The following GATAD2A variants were observed in gnomAD, a reference collection of about 807,000 sequenced individuals.
The protein encoded by GATAD2A is GATA zinc finger domain containing 2A, also known as transcriptional repressor p66-alpha.
A neutral mutation model predicts 68.5 loss-of-function variants in GATAD2A; 12 were observed. That is an observed-to-expected ratio of 0.18 (90% CI 0.11 to 0.28). GATAD2A has a LOEUF of 0.28. Ranked by LOEUF, GATAD2A falls within the 10% of genes least tolerant of loss-of-function variation. The pLI is 1.00. For missense variants in GATAD2A, 755 were observed against 868.5 expected, an observed-to-expected ratio of 0.87 and a Z score of 1.64; for synonymous variants, 410 against 375.3, an observed-to-expected ratio of 1.09 and a Z score of -1.07.
chr19:19,476,243 C>G (rs1450369190), intron 2 of GATAD2A, among the ~76,000 whole-genome samples: 1 of 152,274 alleles, frequency 6.6e-6, no homozygotes, highest in Non-Finnish European at 1.5e-5. Flanking sequence ...CTGAACTCTT[C>G]TCACACATCT....
At chr19:19,482,485 T>C (rs1031028782) in intron 2 of GATAD2A, among the ~76,000 whole-genome samples, 2 of 152,198 alleles carry the variant, frequency 1.3e-5, no homozygotes, top group African/African-American at 2.4e-5. Context: ...ACCTCCTCTT[T>C]AGGGTTCCCC....
intron 1 of GATAD2A, among the ~76,000 whole-genome samples, chr19:19,453,820 C>T (rs2056644294): frequency 1.3e-5 from 2 of 151,732 alleles, no homozygotes; most frequent in South Asian, 4.2e-4. Context: ...CCCGCCACCA[C>T]ACCTGGCTAA....
intron 2 of GATAD2A, among the ~76,000 whole-genome samples, chr19:19,469,644 A>G (rs1177473323): frequency 6.6e-6 from 1 of 152,138 alleles, no homozygotes; most frequent in Non-Finnish European, 1.5e-5. Context: ...ACTATCAGAT[A>G]GTGTAAAGAA....
chr19:19,465,395 G>A lies in GATAD2A; in HGVS notation c.50G>A (p.Arg17Gln), dbSNP rs10426883. 1.9e-3 allele frequency: 3,077 copies of A among 1,613,952 alleles called. 59 individuals are homozygous for A. The African/African-American group carries it at 0.036, about 19-fold the overall frequency. ...CGGAGTCAGAAACGAGCGCTTGAAC[G>A]GGACCCAACAGAGGACGATGTGGAG... ...RTRSQKRALE[R>Q]DPTEDDVESK... Residue 17 changes from arginine (R) to glutamine (Q), a missense_variant, in exon 2 of 12, where the codon CGG becomes CAG. Physicochemically the swap from Arg to Gln is conservative, Grantham distance 43 (BLOSUM62 1). Transcript: ENST00000683918.
chr19:19,492,837 C>G (rs2059894109), intron 4 of GATAD2A, 125 bp downstream of exon 4: 1 of 853,106 alleles, frequency 1.2e-6, no homozygotes, highest in Non-Finnish European at 1.8e-6. Context: ...GGCAAGGTCC[C>G]ACTCCCGCAT....
chr19:19,495,649 A>AAAAC, intron 5 of GATAD2A, 105 bp from the exon 6 acceptor site: 6 of 1,061,832 alleles, frequency 5.7e-6, no homozygotes, highest in African/African-American at 1.6e-5. Context: ...AAAAAAAAAA[A>AAAAC]AAAAAACTAG....
intron 1 of GATAD2A, among the ~76,000 whole-genome samples, chr19:19,409,862 C>T (rs1188045997): frequency 6.6e-6 from 1 of 152,168 alleles, no homozygotes; most frequent in Non-Finnish European, 1.5e-5. Context: ...TCTTGCCCCT[C>T]CCCCACCTTG....
At chr19:19,501,615 G>A (rs1481213690) in intron 9 of GATAD2A, among the ~76,000 whole-genome samples, 199 bp downstream of exon 9, 1 of 152,250 alleles carries the variant, frequency 6.6e-6, no homozygotes, top group Non-Finnish European at 1.5e-5. Flanking sequence ...CGGCTGACAA[G>A]TACTGCTTGT....
chr19:19,496,702 G>A (rs1419513485), intron 7 of GATAD2A, among the ~76,000 whole-genome samples: 6 of 152,326 alleles, frequency 3.9e-5, no homozygotes, highest in Middle Eastern at 3.4e-3. Flanking sequence ...TTAGCCGCAC[G>A]TCCCTTCACC....
intron 1 of GATAD2A, among the ~76,000 whole-genome samples, chr19:19,454,665 G>A (rs1032030973): frequency 2.0e-5 from 3 of 151,530 alleles, no homozygotes; most frequent in African/African-American, 7.3e-5. Context: ...TGAATTCCTA[G>A]GCTGTAGTGA....
At chr19:19,495,364 A>G (rs2060072102) in intron 5 of GATAD2A, among the ~76,000 whole-genome samples, 1 of 151,718 alleles carries the variant, frequency 6.6e-6, no homozygotes, top group Non-Finnish European at 1.5e-5. Flanking sequence ...GCTGGAGTGC[A>G]GTGGCGCGAT....
chr19:19,390,322 C>T (rs1863727573), intron 1 of GATAD2A, among the ~76,000 whole-genome samples: 1 of 151,966 alleles, frequency 6.6e-6, no homozygotes, highest in South Asian at 2.1e-4. Context: ...AGATGATGAA[C>T]TGGAGGTGGA....
intron 1 of GATAD2A, among the ~76,000 whole-genome samples, chr19:19,458,257 T>G (rs375037195): frequency 2.0e-5 from 3 of 152,226 alleles, no homozygotes; most frequent in African/African-American, 7.2e-5. Flanking sequence ...GCTCAGCTGC[T>G]TGGCGCATGC....
At chr19:19,434,214 A>G (rs952067659) in intron 1 of GATAD2A, among the ~76,000 whole-genome samples, 3 of 151,952 alleles carry the variant, frequency 2.0e-5, no homozygotes, top group Non-Finnish European at 4.4e-5. Context: ...CTGATTTTTT[A>G]TATATAGACC....
chr19:19,501,930 G>C, intron 9 of GATAD2A, 39 bp from the exon 10 acceptor site: 1 of 1,543,986 alleles, frequency 6.5e-7, no homozygotes, highest in South Asian at 1.1e-5. Context: ...GCCGGCCAGC[G>C]GACCGCACTG....
intron 1 of GATAD2A, among the ~76,000 whole-genome samples, chr19:19,424,598 C>A (rs2052842198): frequency 6.6e-6 from 1 of 151,866 alleles, no homozygotes; most frequent in Admixed American, 6.6e-5. Flanking sequence ...GTCTCGAACT[C>A]CTGGCCTCAA....
rs2060000192 is a variant in GATAD2A at position 19,494,304 on chromosome 19, C to T, written c.545C>T (p.Ser182Phe). The change falls in exon 5 of 12, where the codon TCT becomes TTT. Residue 182 changes from serine to phenylalanine, a missense_variant. By Grantham distance (155) the Ser-to-Phe change is radical (BLOSUM62 -2). Coordinates refer to ENST00000683918, the MANE Select transcript of GATAD2A (RefSeq NM_001384528.1). ...KEATAQKPTG[S>F]VGSTVTTPPP... ...CCTGCTCTCTTGCAGCCCACAGGTT[C>T]TGTTGGGAGCACCGTGACCACCCCT... The T allele has an allele frequency of 6.2e-7, 1 of 1,609,428 alleles. No homozygotes were observed. Among genetic ancestry groups the T allele is most frequent in the Non-Finnish European group, 8.5e-7 (1 of 1,176,064 alleles).
At chr19:19,463,571 G>T (rs1199588915) in intron 1 of GATAD2A, among the ~76,000 whole-genome samples, 1 of 152,204 alleles carries the variant, frequency 6.6e-6, no homozygotes, top group Non-Finnish European at 1.5e-5. Flanking sequence ...TGTGGGATAG[G>T]TGGTAGGTGC....
intron 1 of GATAD2A, among the ~76,000 whole-genome samples, chr19:19,428,864 C>T (rs1481345626): frequency 6.6e-6 from 1 of 152,174 alleles, no homozygotes; most frequent in Non-Finnish European, 1.5e-5. Flanking sequence ...AATAGCATGC[C>T]AGGGGTGGGG....
Sources: gnomAD v4.1 joint callset for allele counts (sites outside exome capture counted in the v4.1 genomes callset) on GRCh38, gnomAD v4.1.1 for gene constraint, MANE v1.5 for transcripts, NCBI Gene and HGNC (gene_info 2026-07-23, HGNC 2026-07-21) for gene names.